NALCN: variants seen among roughly 807,000 people sequenced by gnomAD.
NALCN encodes the protein sodium leak channel, non-selective.
Under a neutral mutation model 225.3 loss-of-function variants are expected in NALCN, and 111 were observed. That is an observed-to-expected ratio of 0.49 (90% confidence interval 0.42 to 0.58). NALCN has a LOEUF of 0.58. Ranked by LOEUF, NALCN falls within the 20% of genes least tolerant of loss-of-function variation. The pLI is 0.00. For missense variants in NALCN, 1,378 were observed against 2,202.4 expected, an observed-to-expected ratio of 0.63 and a Z score of 7.49; for synonymous variants, 764 against 769.0, an observed-to-expected ratio of 0.99 and a Z score of 0.11.
chr13:101,268,402 T>G (rs2140244689), intron 10 of NALCN, among the ~76,000 whole-genome samples: 1 of 152,348 alleles, frequency 6.6e-6, no homozygotes, highest in East Asian at 1.9e-4. Context: ...CCCCCAGCTC[T>G]TATGGCATCT....
At position 101,103,229 on chromosome 13, in the gene NALCN, C is replaced by T. The variant is rs759560085; in HGVS notation, c.3000G>A (p.Val1000=). 1.9e-6 allele frequency: 3 copies of T among 1,613,952 alleles called. No individual in the cohort carries two copies. The highest frequency in any genetic ancestry group is 2.7e-5 in the African/African-American group (2 of 75,030). The change falls in exon 26 of 44, where the codon GTG becomes GTA. Residue 1000 remains valine, a synonymous_variant. Transcript: ENST00000251127. ...CLRPLRIFKL[V]PQMRKVVREL... is the part of the protein sequence containing the mutation. The stretch of plus-strand genomic sequence containing the variant: ...CTCGAACAACTTTCCTCATCTGGGG[C>T]ACCAGTTTGAATATGCGCAGAGGTC...
intron 39 of NALCN, among the ~76,000 whole-genome samples, chr13:101,067,658 G>C (rs1157575339): frequency 6.6e-6 from 1 of 152,158 alleles, no homozygotes; most frequent in Non-Finnish European, 1.5e-5. Flanking sequence ...GATTCCTACA[G>C]AGTCCCTTTG....
chr13:101,215,502 G>A (rs1364286691), intron 13 of NALCN, among the ~76,000 whole-genome samples: 1 of 152,054 alleles, frequency 6.6e-6, no homozygotes. Context: ...GTCTCAAAAG[G>A]TGGAAATCAA....
chr13:101,279,662 A>G (rs2043083276), intron 10 of NALCN, among the ~76,000 whole-genome samples: 1 of 88,288 alleles, frequency 1.1e-5, no homozygotes, highest in African/African-American at 3.1e-5. Flanking sequence ...TAAAAATACA[A>G]AAAAATTAGC....
intron 10 of NALCN, among the ~76,000 whole-genome samples, chr13:101,273,884 CAAAAAAAAAAAAAA>C (rs34847260): frequency 2.1e-5 from 2 of 95,868 alleles, no homozygotes; most frequent in African/African-American, 4.4e-5. Flanking sequence ...GACTCCATCT[CAAAAAAAAAAAAAA>C]AAAAAAAAAG....
chr13:101,321,688 A>G (rs1030246336), intron 7 of NALCN, among the ~76,000 whole-genome samples: 1 of 152,176 alleles, frequency 6.6e-6, no homozygotes, highest in East Asian at 1.9e-4. Context: ...AATACGTGAT[A>G]GTCACCACTA....
intron 7 of NALCN, among the ~76,000 whole-genome samples, chr13:101,311,035 T>C (rs2044323374): frequency 6.6e-6 from 1 of 151,838 alleles, no homozygotes. Flanking sequence ...TTTTATTTCA[T>C]TGAGCAGTGG....
At chr13:101,160,079 T>G (rs139789941) in intron 15 of NALCN, among the ~76,000 whole-genome samples, 3,211 of 152,212 alleles carry the variant, frequency 0.021, 104 homozygotes, top group African/African-American at 0.067. Flanking sequence ...CTCAGCCTCC[T>G]GAGTAGCTGG....
In NALCN at chr13:101,321,287, G is replaced by A. The variant is rs373787950; in HGVS notation, c.799+23979C>T. ...ACACAAGTCCAGAAGGAAAATGGGC[G>A]AAGCATGTGAACCAGCAATTCGTAG... On this transcript the variant is annotated intron_variant, in intron 7 of 43. Transcript: ENST00000251127. Among the ~76,000 whole-genome samples, 32 of 152,082 alleles carry A rather than the reference G, an allele frequency of 2.1e-4. 1 individual carries two copies. Among genetic ancestry groups the A allele is most frequent in the East Asian group, 1.7e-3 (9 of 5,166 alleles).
chr13:101,196,403 T>C (rs1032873911), intron 13 of NALCN, among the ~76,000 whole-genome samples: 2 of 152,210 alleles, frequency 1.3e-5, no homozygotes, highest in Non-Finnish European at 2.9e-5. Context: ...GATATTATTC[T>C]TGGGGTCCTC....
chr13:101,119,131 A>T (rs2035852519), intron 18 of NALCN, among the ~76,000 whole-genome samples: 1 of 152,190 alleles, frequency 6.6e-6, no homozygotes, highest in South Asian at 2.1e-4. Context: ...TCTTAGGGGC[A>T]CTTTCTTTCA....
intron 28 of NALCN, among the ~76,000 whole-genome samples, chr13:101,091,560 T>C: frequency 7.7e-6 from 1 of 129,366 alleles, no homozygotes; most frequent in Non-Finnish European, 1.7e-5. Flanking sequence ...ATTTTGGAAT[T>C]CTGCTTTATA....
chr13:101,226,429 T>C (rs563292231), intron 13 of NALCN, among the ~76,000 whole-genome samples: 5 of 152,306 alleles, frequency 3.3e-5, no homozygotes, highest in Non-Finnish European at 7.4e-5. Flanking sequence ...CCAAAATAAA[T>C]CTGTCTTTTA....
intron 7 of NALCN, among the ~76,000 whole-genome samples, chr13:101,317,503 G>A (rs1235273337): frequency 6.6e-6 from 1 of 152,170 alleles, no homozygotes; most frequent in Non-Finnish European, 1.5e-5. Context: ...CATAAGGTAT[G>A]GTAACCATAG....
intron 9 of NALCN, among the ~76,000 whole-genome samples, chr13:101,288,257 A>G (rs2043413694): frequency 6.6e-6 from 1 of 152,202 alleles, no homozygotes; most frequent in South Asian, 2.1e-4. Context: ...CTTCCCTGAA[A>G]TGCATTAATT....
chr13:101,083,624 G>A (rs367806928), intron 31 of NALCN, 87 bp downstream of exon 31: 16 of 1,339,748 alleles, frequency 1.2e-5, no homozygotes, highest in East Asian at 2.4e-5. Context: ...GCGGCCTCAC[G>A]ATTATTATTT....
At chr13:101,137,025 G>A (rs1421759435) in intron 17 of NALCN, among the ~76,000 whole-genome samples, 2 of 152,110 alleles carry the variant, frequency 1.3e-5, no homozygotes, top group Admixed American at 1.3e-4. Flanking sequence ...TCTCATTGTG[G>A]CTTTGATTTG....
intron 15 of NALCN, among the ~76,000 whole-genome samples, chr13:101,161,552 T>A (rs2038184491): frequency 1.3e-5 from 2 of 152,180 alleles, no homozygotes. Context: ...AAGCTTTCAG[T>A]GGCTCAGGTT....
intron 2 of NALCN, 105 bp downstream of exon 2, chr13:101,398,914 T>G: frequency 1.4e-6 from 1 of 691,322 alleles, no homozygotes; most frequent in Non-Finnish European, 2.6e-6. Context: ...CATATTCTAC[T>G]GCAGCTCAGA....
Sources: gnomAD v4.1 joint callset for allele counts (sites outside exome capture counted in the v4.1 genomes callset) on GRCh38, gnomAD v4.1.1 for gene constraint, MANE v1.5 for transcripts, NCBI Gene and HGNC (gene_info 2026-07-23, HGNC 2026-07-21) for gene names.